TREH: variants seen among roughly 807,000 people sequenced by gnomAD.
The protein encoded by TREH is trehalase.
TREH carries 69 observed loss-of-function variants against 80.5 expected under a neutral mutation model. The observed-to-expected ratio is 0.86, with a 90% confidence interval of 0.71 to 1.05. TREH has a LOEUF of 1.05. Ranked by LOEUF, TREH falls within the 50% of genes least tolerant of loss-of-function variation. The pLI, the probability that TREH is intolerant of heterozygous loss-of-function variation, is 0.00. For synonymous variants in TREH, 309 were observed against 293.5 expected (o/e 1.05, Z -0.54); for missense variants, 716 against 718.8 (o/e 1.00, Z 0.04).
chr11:118,675,584 G>A (rs1381936894), intron 1 of TREH, among the ~76,000 whole-genome samples: 1 of 152,150 alleles, frequency 6.6e-6, no homozygotes, highest in African/African-American at 2.4e-5. Context: ...AGGGGTGCAT[G>A]GGGCAAGGTC....
chr11:118,664,017 A>C (rs1353705031), intron 1 of TREH, among the ~76,000 whole-genome samples: 1 of 152,202 alleles, frequency 6.6e-6, no homozygotes, highest in East Asian at 1.9e-4. Flanking sequence ...TTTGTAACGA[A>C]GGCAGTGCCC....
Position 118,659,593 on chromosome 11 carries a change from C to T in TREH, c.1321-112G>A, listed in dbSNP as rs7932296. On this transcript the variant is annotated intron_variant, in intron 11 of 14. Transcript: ENST00000264029. ...GTCCCCTTCCTGGCTCTTCTTTTCT[C>T]GGCTCACAGCTGCCCCCCGGTGGCT... The T allele has an allele frequency of 2.2e-3, 3,004 of 1,348,098 alleles. 76 individuals carry two copies. In the African/African-American group the frequency reaches 0.039, roughly 18 times the overall value. The allele number at this position is 1,348,098 out of a possible 1,614,324, so 83.5% of individuals were successfully genotyped here. A position where few individuals can be genotyped will look rare whatever the true frequency, so the allele number is the denominator to read the frequency against.
Position 118,658,310 on chromosome 11 carries a change from C to CAGGA in TREH, c.1727_1730dup (p.Leu578ProfsTer59), listed in dbSNP as rs1949235377. On this transcript the variant is annotated frameshift_variant, in exon 15 of 15. Coordinates refer to ENST00000264029, the MANE Select transcript of TREH (RefSeq NM_007180.3). LOFTEE classifies it high-confidence loss of function. Reference sequence around the variant, plus strand: ...GCTGTCACCATGGCAGGAGGCTGAGCAGGAGGCTGGGCAGAAGGGTGGCCG... The same window carrying CAGGA: ...GCTGTCACCATGGCAGGAGGCTGAGCAGGAAGGAGGCTGGGCAGAAGGGTGGCCG... 2 of 1,588,430 alleles carry CAGGA rather than the reference C, an allele frequency of 1.3e-6. No homozygotes were observed. The highest frequency in any genetic ancestry group is 3.6e-5 in the Admixed American group (2 of 55,422).
At chr11:118,675,953 T>C (rs1949474644) in intron 1 of TREH, among the ~76,000 whole-genome samples, 1 of 152,208 alleles carries the variant, frequency 6.6e-6, no homozygotes, top group African/African-American at 2.4e-5. Context: ...TCCATCCACC[T>C]CGGCCTCCCA....
At chr11:118,666,756 G>T (rs893282689) in intron 1 of TREH, among the ~76,000 whole-genome samples, 1 of 152,200 alleles carries the variant, frequency 6.6e-6, no homozygotes, top group Admixed American at 6.5e-5. Flanking sequence ...CAGTTAAAAT[G>T]AGCGAAATAC....
intron 1 of TREH, among the ~76,000 whole-genome samples, chr11:118,666,467 T>A (rs1366803019): frequency 1.3e-5 from 2 of 152,240 alleles, no homozygotes; most frequent in African/African-American, 4.8e-5. Context: ...CAAGGTCAAA[T>A]GGCAGCCTGC....
chr11:118,661,830 G>C lies in TREH; in HGVS notation c.524+60C>G. On this transcript the variant is annotated intron_variant, in intron 5 of 14. Transcript: ENST00000264029. This position sits in a 1 kb window ranked among gnomAD's most constrained non-coding sequence, Gnocchi z 4.2. ...CTGCTGAAGACACCCTGCTGGCCCT[G>C]GGTTTCTCCACCACTGCCAGTCCTG... 1.3e-6 allele frequency: 2 copies of C among 1,585,566 alleles called. No homozygotes were observed. Among genetic ancestry groups the C allele is most frequent in the South Asian group, 1.1e-5 (1 of 88,548 alleles).
At chr11:118,662,820 A>G (rs186432755) in intron 4 of TREH, 61 bp downstream of exon 4, 1 of 1,532,766 alleles carries the variant, frequency 6.5e-7, no homozygotes, top group African/African-American at 1.4e-5. Context: ...TGTGGGCCCC[A>G]GGCACATTCC....
chr11:118,658,125 G>A lies in TREH; in HGVS notation c.*164C>T. 1.0e-6 allele frequency: 1 copy of A among 964,844 alleles called. No individual in the cohort carries two copies. Among genetic ancestry groups the A allele is most frequent in the Non-Finnish European group, 1.5e-6 (1 of 661,528 alleles). 59.8% of individuals were successfully genotyped at this position (964,844 alleles called of 1,614,324 possible). A position where few individuals can be genotyped will look rare whatever the true frequency, so the allele number is the denominator to read the frequency against. ...TCCACCCTATTCAAGGTTCCAGGAG[G>A]GAGCTAGGCCCCTACCCATGACCTC... On this transcript the variant is annotated 3_prime_UTR_variant, in exon 15 of 15. Transcript: ENST00000264029.
At position 118,661,969 on chromosome 11, in the gene TREH, G is replaced by A; in HGVS notation, c.445C>T (p.His149Tyr). 1 of 1,553,928 alleles carries A rather than the reference G, an allele frequency of 6.4e-7. No homozygotes were observed. The highest frequency in any genetic ancestry group is 2.4e-5 in the East Asian group (1 of 41,122). ...GKKMKPEVLS[H>Y]PERFSLIYSE... Reference sequence around the variant, plus strand: ...TAGATGAGAGAGAACCGCTCAGGGTGGCTGAGAACCTCTGGCTTCATCTGG... The same window carrying A: ...TAGATGAGAGAGAACCGCTCAGGGTAGCTGAGAACCTCTGGCTTCATCTGG... The change falls in exon 5 of 15, where the codon CAC becomes TAC. Residue 149 changes from histidine to tyrosine, a missense_variant. Physicochemically the swap from His to Tyr is moderately conservative, Grantham distance 83. Transcript: ENST00000264029. The surrounding 1 kb of genome is among the most constrained non-coding windows in gnomAD (Gnocchi z 4.2).
At chr11:118,658,571 T>C in intron 14 of TREH, 109 bp downstream of exon 14, 1 of 1,516,130 alleles carries the variant, frequency 6.6e-7, no homozygotes, top group South Asian at 1.3e-5. Flanking sequence ...AGTCAGCTCC[T>C]CCCCCGGGCC....
chr11:118,676,151 C>A (rs1949476927), intron 1 of TREH, among the ~76,000 whole-genome samples: 1 of 152,306 alleles, frequency 6.6e-6, no homozygotes, highest in Admixed American at 6.5e-5. Context: ...TCATGTGGAC[C>A]AAAACCCCAA....
At chr11:118,671,145 T>C (rs1949426400) in intron 1 of TREH, among the ~76,000 whole-genome samples, 2 of 152,290 alleles carry the variant, frequency 1.3e-5, no homozygotes, top group African/African-American at 4.8e-5. Flanking sequence ...AGGCAATATA[T>C]TTGTGTTTAT....
At chr11:118,671,129 A>T (rs1949426317) in intron 1 of TREH, among the ~76,000 whole-genome samples, 1 of 152,168 alleles carries the variant, frequency 6.6e-6, no homozygotes, top group Non-Finnish European at 1.5e-5. Flanking sequence ...AGCTATCTTG[A>T]GCAGTAGGCA....
At chr11:118,671,924 GA>G (rs1405899378) in intron 1 of TREH, among the ~76,000 whole-genome samples, 6 of 150,704 alleles carry the variant, frequency 4.0e-5, no homozygotes, top group South Asian at 2.1e-4. Context: ...AGTGCTGAAG[GA>G]AAAAAAAACT....
Position 118,658,989 on chromosome 11 carries a change from G to A in TREH, c.1461C>T (p.Ala487=), listed in dbSNP as rs201039109. 4,855 of 1,613,838 alleles carry A rather than the reference G, an allele frequency of 3.0e-3. 172 individuals are homozygous for A. The South Asian group carries it at 0.05, about 17-fold the overall frequency. Reference sequence around the variant, plus strand: ...GAGCCAGCTGGAAAGCCACTTCCTGGGCCCGACGTAAAGGTGCCTTGGCCA... The same window carrying A: ...GAGCCAGCTGGAAAGCCACTTCCTGAGCCCGACGTAAAGGTGCCTTGGCCA... ...RGLAKAPLRR[A]QEVAFQLAQN... Residue 487 remains alanine (A), a synonymous_variant, in exon 13 of 15, where the codon GCC becomes GCT. Coordinates refer to ENST00000264029, the MANE Select transcript of TREH (RefSeq NM_007180.3).
rs1949316744 is a variant in TREH at position 118,661,169 on chromosome 11, C to A, written c.848G>T (p.Gly283Val). ...CTGCCCAGTTCCTCACCTGGGTCCC[C>A]CATAAGGGACATAATAGCGATTCAG... ...YLLNRYYVPYGGPRPESYSKD... is the reference protein window; with the variant it reads ...YLLNRYYVPYVGPRPESYSKD... Residue 283 changes from glycine to valine, a missense_variant, in exon 8 of 15, where the codon GGG becomes GTG. By Grantham distance (109) the Gly-to-Val change is moderately radical. Coordinates refer to ENST00000264029, the MANE Select transcript of TREH (RefSeq NM_007180.3). This position sits in a 1 kb window ranked among gnomAD's most constrained non-coding sequence, Gnocchi z 4.2. 4 of 1,613,872 alleles carry A rather than the reference C, an allele frequency of 2.5e-6. No homozygotes were observed. Among genetic ancestry groups the A allele is most frequent in the Non-Finnish European group, 3.4e-6 (4 of 1,179,886 alleles).
intron 1 of TREH, among the ~76,000 whole-genome samples, chr11:118,670,869 CT>C (rs781879733): frequency 1.5e-4 from 23 of 152,308 alleles, no homozygotes; most frequent in Middle Eastern, 3.4e-3. Context: ...GATCTTCTTT[CT>C]AAGCATTAAT....
At chr11:118,659,146 C>T (rs1949271958) in intron 12 of TREH, 129 bp from the exon 13 acceptor site, 1 of 1,034,698 alleles carries the variant, frequency 9.7e-7, no homozygotes. Flanking sequence ...AGACCACAGG[C>T]CAAACTGCCC....
Sources: allele counts gnomAD v4.1 joint callset (sites outside exome capture counted in the v4.1 genomes callset), GRCh38; gene constraint gnomAD v4.1.1; non-coding constraint Gnocchi (gnomAD v3.1); transcripts MANE v1.5; gene names NCBI Gene and HGNC (gene_info 2026-07-23, HGNC 2026-07-21).